DACH1: variants seen among roughly 807,000 people sequenced by gnomAD.
DACH1 encodes the protein dachshund homolog 1.
Under a neutral mutation model 54.2 loss-of-function variants are expected in DACH1, and 12 were observed. The ratio of observed to expected loss-of-function variants is 0.22; its 90% CI spans 0.14 to 0.36. DACH1 has a LOEUF of 0.36. DACH1 is among the 10% of genes least tolerant of loss of function. The pLI, the probability that DACH1 is intolerant of heterozygous loss-of-function variation, is 1.00. For missense variants in DACH1, 805 were observed against 929.8 expected (o/e 0.87, Z 1.75); for synonymous variants, 386 against 366.2 (o/e 1.05, Z -0.62).
At chr13:71,710,746 C>G (rs1274697349) in intron 1 of DACH1, among the ~76,000 whole-genome samples, 1 of 152,090 alleles carries the variant, frequency 6.6e-6, no homozygotes, top group Non-Finnish European at 1.5e-5. Flanking sequence ...TTTCTTCCCT[C>G]TTTACTAAAA....
intron 6 of DACH1, among the ~76,000 whole-genome samples, chr13:71,542,018 C>A (rs1236075081): frequency 6.9e-6 from 1 of 144,706 alleles, no homozygotes; most frequent in Non-Finnish European, 1.5e-5. Context: ...GAAGCCAAGA[C>A]AGGCAGATCA....
At chr13:71,509,197 C>A (rs988436893) in intron 6 of DACH1, among the ~76,000 whole-genome samples, 5 of 152,096 alleles carry the variant, frequency 3.3e-5, no homozygotes, top group African/African-American at 1.2e-4. Context: ...AATTCTCAAA[C>A]TTTCAGCATG....
chr13:71,543,006 G>A (rs2138336674), intron 6 of DACH1, among the ~76,000 whole-genome samples: 1 of 152,250 alleles, frequency 6.6e-6, no homozygotes, highest in Middle Eastern at 3.4e-3. Flanking sequence ...AGGAAAGATT[G>A]AAGATCCTTG....
At chr13:71,574,629 G>C (rs181892178) in intron 3 of DACH1, among the ~76,000 whole-genome samples, 1 of 152,042 alleles carries the variant, frequency 6.6e-6, no homozygotes, top group Non-Finnish European at 1.5e-5. Context: ...GCTCAATACT[G>C]TCTGGATCTT....
chr13:71,748,871 TTTCTTTCTTTCTTTCTTTC>T (rs1884742579), intron 1 of DACH1, among the ~76,000 whole-genome samples: 1 of 51,048 alleles, frequency 2.0e-5, no homozygotes, highest in Non-Finnish European at 4.1e-5. Context: ...TCTTTCTTTC[TTTCTTTCTTTCTTTCTTTC>T]TTTCTTTCTC....
At chr13:71,591,351 A>G (rs574419167) in intron 3 of DACH1, among the ~76,000 whole-genome samples, 1 of 152,282 alleles carries the variant, frequency 6.6e-6, no homozygotes. Context: ...AGATCTACAT[A>G]TCAGTGATTT....
At chr13:71,857,264 T>C (rs899567362) in intron 1 of DACH1, among the ~76,000 whole-genome samples, 1 of 151,854 alleles carries the variant, frequency 6.6e-6, no homozygotes, top group African/African-American at 2.4e-5. Flanking sequence ...ATATCTAAAA[T>C]ATTTAAGTAT....
At chr13:71,492,189 G>A (rs953139309) in intron 6 of DACH1, among the ~76,000 whole-genome samples, 2 of 152,082 alleles carry the variant, frequency 1.3e-5, no homozygotes, top group South Asian at 4.1e-4. Flanking sequence ...CCTGTAATGT[G>A]TGAATGGCTG....
chr13:71,759,377 C>A (rs1025746484), intron 1 of DACH1, among the ~76,000 whole-genome samples: 4 of 151,532 alleles, frequency 2.6e-5, no homozygotes, highest in African/African-American at 4.9e-5. Context: ...TTCATTCCCC[C>A]CAACCCCCAC....
rs139482225 is a variant in DACH1, at chr13:71,532,780, T to A, written c.1570+24244A>T. Among the ~76,000 whole-genome samples, 295 of 152,110 alleles carry A rather than the reference T, an allele frequency of 1.9e-3. 1 individual carries two copies. Among genetic ancestry groups the A allele is most frequent in the East Asian group, 1.4e-3 (7 of 5,184 alleles). ...TCTGGTTTGCATTTGTTTTAGCATC[T>A]TAAAATAATTGGGGTAGTTGTGATT... On this transcript the variant is annotated intron_variant, in intron 6 of 10. Transcript: ENST00000613252.
At chr13:71,743,048 C>A (rs982413035) in intron 1 of DACH1, among the ~76,000 whole-genome samples, 1 of 152,068 alleles carries the variant, frequency 6.6e-6, no homozygotes, top group South Asian at 2.1e-4. Flanking sequence ...GGTATTTACA[C>A]AGTGATATGA....
intron 2 of DACH1, among the ~76,000 whole-genome samples, chr13:71,673,695 C>G (rs370834312): frequency 6.6e-6 from 1 of 152,016 alleles, no homozygotes; most frequent in Non-Finnish European, 1.5e-5. Flanking sequence ...ACCACCATGG[C>G]ACGTGTATAC....
At chr13:71,851,790 A>G (rs752254160) in intron 1 of DACH1, among the ~76,000 whole-genome samples, 3 of 152,212 alleles carry the variant, frequency 2.0e-5, no homozygotes, top group Non-Finnish European at 4.4e-5. Flanking sequence ...CATCAAGCAC[A>G]TGTTGTTACT....
At chr13:71,489,175 G>GA in intron 6 of DACH1, 27 bp from the exon 7 acceptor site, 1 of 1,603,190 alleles carries the variant, frequency 6.2e-7, no homozygotes, top group Non-Finnish European at 8.5e-7. Flanking sequence ...CAAAAATATA[G>GA]AACAAGTTAC....
intron 1 of DACH1, among the ~76,000 whole-genome samples, chr13:71,799,343 A>T (rs569462279): frequency 2.1e-4 from 32 of 152,288 alleles, no homozygotes; most frequent in African/African-American, 7.0e-4. Context: ...TCTGGCTGCC[A>T]ATGCATGAAA....
intron 6 of DACH1, among the ~76,000 whole-genome samples, chr13:71,527,208 A>T (rs891471289): frequency 2.6e-5 from 4 of 151,856 alleles, no homozygotes; most frequent in Non-Finnish European, 5.9e-5. Context: ...AATTTAAATT[A>T]AAATATCTTT....
chr13:71,742,071 A>C (rs1284164385), intron 1 of DACH1, among the ~76,000 whole-genome samples: 13 of 152,176 alleles, frequency 8.5e-5, no homozygotes, highest in African/African-American at 3.1e-4. Flanking sequence ...AATGACAATG[A>C]ATAAGTCTCA....
At chr13:71,610,883 G>C (rs1179955820) in intron 3 of DACH1, among the ~76,000 whole-genome samples, 2 of 152,144 alleles carry the variant, frequency 1.3e-5, no homozygotes, top group African/African-American at 4.8e-5. Flanking sequence ...TTTTAATTCT[G>C]AAATATTTTA....
At chr13:71,662,704 C>T (rs1879588296) in intron 2 of DACH1, among the ~76,000 whole-genome samples, 3 of 151,916 alleles carry the variant, frequency 2.0e-5, no homozygotes, top group Non-Finnish European at 4.4e-5. Flanking sequence ...TATTTTTCCA[C>T]AAAAAATATT....
Sources: gnomAD v4.1 joint callset for allele counts (sites outside exome capture counted in the v4.1 genomes callset) on GRCh38, gnomAD v4.1.1 for gene constraint, MANE v1.5 for transcripts, NCBI Gene and HGNC (gene_info 2026-07-23, HGNC 2026-07-21) for gene names.